SLC6A6: variants seen among roughly 807,000 people sequenced by gnomAD.
SLC6A6 encodes the protein solute carrier family 6 member 6.
SLC6A6 carries 16 observed loss-of-function variants against 68.8 expected under a neutral mutation model. That is an observed-to-expected ratio of 0.23 (90% CI 0.16 to 0.35). The LOEUF (loss-of-function observed/expected upper bound fraction) is 0.35, where lower values mean the gene tolerates loss of function less well. Ranked by LOEUF, SLC6A6 falls within the 10% of genes least tolerant of loss-of-function variation. SLC6A6 has a pLI of 1.00. For synonymous variants in SLC6A6, 312 were observed against 315.4 expected, an observed-to-expected ratio of 0.99 and a Z score of 0.12; for missense variants, 474 against 802.8, an observed-to-expected ratio of 0.59 and a Z score of 4.95.
At chr3:14,423,995 G>C (rs950774828) in intron 2 of SLC6A6, among the ~76,000 whole-genome samples, 2 of 152,092 alleles carry the variant, frequency 1.3e-5, no homozygotes, top group Non-Finnish European at 2.9e-5. Context: ...GGTCGTCCCA[G>C]CTTAAGGTCA....
At chr3:14,430,050 G>T (rs1215004577) in intron 2 of SLC6A6, among the ~76,000 whole-genome samples, 1 of 152,106 alleles carries the variant, frequency 6.6e-6, no homozygotes, top group Non-Finnish European at 1.5e-5. Context: ...AGGTGGGTGG[G>T]ATCTACCTAA....
rs559672512 is a variant in SLC6A6 at position 14,489,279 on chromosome 3, C to G, written c.*4272C>G. 1 of 152,414 alleles carries G rather than the reference C, an allele frequency of 6.6e-6. No homozygotes were observed. The highest frequency in any genetic ancestry group is 1.5e-5 in the Non-Finnish European group (1 of 67,988). 9.4% of individuals were successfully genotyped at this position (152,414 alleles called of 1,614,324 possible). Reference sequence around the variant, plus strand: ...ATGTATATCAATATTTTAAATTCATCTTTGCTTTTTTTAGAGGAGTTTGTA... The same window carrying G: ...ATGTATATCAATATTTTAAATTCATGTTTGCTTTTTTTAGAGGAGTTTGTA... On this transcript the variant is annotated 3_prime_UTR_variant, in exon 15 of 15. Coordinates refer to ENST00000622186, the MANE Select transcript of SLC6A6 (RefSeq NM_003043.6).
Position 14,402,936 on chromosome 3 carries a change from C to T in SLC6A6, c.-54+89C>T, listed in dbSNP as rs1488385537. 4 of 385,184 alleles carry T rather than the reference C, an allele frequency of 1.0e-5. No homozygotes were observed. The highest frequency in any genetic ancestry group is 1.8e-5 in the Non-Finnish European group (4 of 217,508). The allele number at this position is 385,184 out of a possible 1,614,324, so 23.9% of individuals were successfully genotyped here. A position where few individuals can be genotyped will look rare whatever the true frequency, so the allele number is the denominator to read the frequency against. ...ATCCCCGCGTCGCCGCAGTCCCGGC[C>T]TCCTCCCCTCCGCGTGCGCCCATCC... On this transcript the variant is annotated intron_variant, in intron 1 of 14. Transcript: ENST00000622186. This position sits in a 1 kb window ranked among gnomAD's most constrained non-coding sequence, Gnocchi z 4.8.
Position 14,478,523 on chromosome 3 carries a change from T to C in SLC6A6, c.1405T>C (p.Leu469=), listed in dbSNP as rs1207136779. The C allele has an allele frequency of 1.2e-6, 2 of 1,613,436 alleles. No individual in the cohort carries two copies. Among genetic ancestry groups the C allele is most frequent in the African/African-American group, 2.7e-5 (2 of 74,914 alleles). Residue 469 remains leucine, a synonymous_variant, in exon 12 of 15, where the codon TTG becomes CTG. Transcript: ENST00000622186. ...DYYAASGVCL[L]WVAFFECFVI... ...CTATGCAGCTAGCGGTGTATGCCTT[T>C]TGTGGGTTGCATTCTTTGAATGTTT...
chr3:14,465,330 C>T (rs1700592056), intron 6 of SLC6A6, among the ~76,000 whole-genome samples: 1 of 152,226 alleles, frequency 6.6e-6, no homozygotes, highest in Non-Finnish European at 1.5e-5. Flanking sequence ...CTTGGCCTGT[C>T]TGGAACATGC....
chr3:14,434,590 A>G (rs1228856294), intron 2 of SLC6A6, among the ~76,000 whole-genome samples: 1 of 152,186 alleles, frequency 6.6e-6, no homozygotes, highest in Non-Finnish European at 1.5e-5. Context: ...GCAGAGGGGA[A>G]GTGACTTGGC....
intron 5 of SLC6A6, among the ~76,000 whole-genome samples, chr3:14,453,019 C>A (rs1185322301): frequency 6.6e-6 from 1 of 152,258 alleles, no homozygotes; most frequent in African/African-American, 2.4e-5. Flanking sequence ...GCCTGCTCAG[C>A]CAATCTTCCC....
chr3:14,461,232 A>G (rs1279638708), intron 6 of SLC6A6, among the ~76,000 whole-genome samples: 1 of 152,204 alleles, frequency 6.6e-6, no homozygotes, highest in Non-Finnish European at 1.5e-5. Flanking sequence ...AGCTCATTGA[A>G]TCCTCCTCAT....
intron 2 of SLC6A6, among the ~76,000 whole-genome samples, chr3:14,418,441 C>T (rs923363563): frequency 6.6e-6 from 1 of 152,164 alleles, no homozygotes; most frequent in Non-Finnish European, 1.5e-5. Context: ...GCAGCCCCAC[C>T]CCATGGAGAC....
At chr3:14,403,713 A>T (rs1240185314) in intron 1 of SLC6A6, among the ~76,000 whole-genome samples, 1 of 152,228 alleles carries the variant, frequency 6.6e-6, no homozygotes, top group Non-Finnish European at 1.5e-5. Context: ...TTCCCCCTCC[A>T]GACTATTTCT....
At position 14,481,121 on chromosome 3, in the gene SLC6A6, C is replaced by G. The variant is rs1044248223; in HGVS notation, c.1552-550C>G. Among the ~76,000 whole-genome samples the G allele has an allele frequency of 6.6e-6, 1 of 152,240 alleles. No homozygotes were observed. Among genetic ancestry groups the G allele is most frequent in the Non-Finnish European group, 1.5e-5 (1 of 68,048 alleles). The stretch of plus-strand genomic sequence containing the variant: ...AGGACAAGACACACACATTCCTACT[C>G]TCAGACTCACAGTCTGGCAGAACAC... On this transcript the variant is annotated intron_variant, in intron 13 of 14. Coordinates refer to ENST00000622186, the MANE Select transcript of SLC6A6 (RefSeq NM_003043.6). This position sits in a 1 kb window ranked among gnomAD's most constrained non-coding sequence, Gnocchi z 4.7.
At chr3:14,410,636 G>A (rs1170535390) in intron 1 of SLC6A6, among the ~76,000 whole-genome samples, 1 of 152,234 alleles carries the variant, frequency 6.6e-6, no homozygotes, top group Non-Finnish European at 1.5e-5. Context: ...AAGGCAGAGG[G>A]CTGAGCCCTC....
Position 14,448,068 on chromosome 3 carries a change from A to G in SLC6A6, c.599+252A>G, listed in dbSNP as rs1700170965. ...GCCTCAGTTTCTTTACCTGTAAGAT[A>G]AAAAGAATGAATCATTACTACCCTG... On this transcript the variant is annotated intron_variant, in intron 5 of 14. Transcript: ENST00000622186. 2.5e-6 allele frequency: 3 copies of G among 1,208,350 alleles called. No homozygotes were observed. In the South Asian group the frequency reaches 5.0e-5, roughly 20 times the overall value. The allele number at this position is 1,208,350 out of a possible 1,614,324, so 74.9% of individuals were successfully genotyped here.
In SLC6A6 at chr3:14,450,044, C is replaced by A. The variant is rs1700220467; in HGVS notation, c.599+2228C>A. Among the ~76,000 whole-genome samples, 1 of 152,216 alleles carries A rather than the reference C, an allele frequency of 6.6e-6. No individual in the cohort carries two copies. The highest frequency in any genetic ancestry group is 2.1e-4 in the South Asian group (1 of 4,834). On this transcript the variant is annotated intron_variant, in intron 5 of 14. Coordinates refer to ENST00000622186, the MANE Select transcript of SLC6A6 (RefSeq NM_003043.6). This position sits in a 1 kb window ranked among gnomAD's most constrained non-coding sequence, Gnocchi z 4.1. ...GGATTACAGGCGTGAGCCACTGTGC[C>A]TGGCCAGAATCCATTATTATTTATC...
chr3:14,471,686 T>G (rs1356956097), intron 9 of SLC6A6, among the ~76,000 whole-genome samples: 1 of 152,230 alleles, frequency 6.6e-6, no homozygotes, highest in Non-Finnish European at 1.5e-5. Context: ...AATGCACCCC[T>G]GAAGAGACAG....
At chr3:14,461,793 G>T (rs1700502046) in intron 6 of SLC6A6, among the ~76,000 whole-genome samples, 1 of 152,204 alleles carries the variant, frequency 6.6e-6, no homozygotes, top group Non-Finnish European at 1.5e-5. Context: ...AGGGCGCTGA[G>T]GATCCTTAGG....
chr3:14,431,789 G>A (rs1182912178), intron 2 of SLC6A6, among the ~76,000 whole-genome samples: 17 of 152,182 alleles, frequency 1.1e-4, no homozygotes, highest in South Asian at 4.1e-4. Flanking sequence ...TTCTGAGTCC[G>A]AGTGAGGTGG....
intron 2 of SLC6A6, among the ~76,000 whole-genome samples, chr3:14,437,867 G>A (rs916978642): frequency 1.2e-4 from 18 of 150,200 alleles, no homozygotes; most frequent in East Asian, 3.9e-4. Flanking sequence ...TTGCTCTGTC[G>A]CCCAGGCTAG....
chr3:14,449,493 A>T (rs1559301391), intron 5 of SLC6A6, among the ~76,000 whole-genome samples: 1 of 151,792 alleles, frequency 6.6e-6, no homozygotes, highest in Non-Finnish European at 1.5e-5. Context: ...GGCCTTCCCC[A>T]CTCCTGGACA....
Sources: allele counts gnomAD v4.1 joint callset (sites outside exome capture counted in the v4.1 genomes callset), GRCh38; gene constraint gnomAD v4.1.1; non-coding constraint Gnocchi (gnomAD v3.1); transcripts MANE v1.5; gene names NCBI Gene and HGNC (gene_info 2026-07-23, HGNC 2026-07-21).